The following GRB10 variants were observed in gnomAD, a reference collection of about 807,000 sequenced individuals.
GRB10 encodes growth factor receptor bound protein 10, also known as growth factor receptor-bound protein 10.
Under a neutral mutation model 80.9 loss-of-function variants are expected in GRB10, and 20 were observed. The ratio of observed to expected loss-of-function variants is 0.25; its 90% CI spans 0.17 to 0.36. The LOEUF is 0.36. Ranked by LOEUF, GRB10 falls within the 10% of genes least tolerant of loss-of-function variation. The pLI is 1.00. For synonymous variants in GRB10, 291 were observed against 291.5 expected, an observed-to-expected ratio of 1.00 and a Z score of 0.02; for missense variants, 548 against 747.7, an observed-to-expected ratio of 0.73 and a Z score of 3.12.
chr7:50,612,853 AAG>A lies in GRB10; in HGVS notation c.1096-16_1096-15del, dbSNP rs1315750064. On this transcript the variant is annotated splice_polypyrimidine_tract_variant and intron_variant, in intron 12 of 18. Coordinates refer to ENST00000401949, the MANE Select transcript of GRB10 (RefSeq NM_001350814.2). ...GACTTTGTTTGGCTACAGGAGGTAA[AAG>A]AAAGTCCTGTTAGTGTTACACAGGG... 2 of 1,578,060 alleles carry A rather than the reference AAG, an allele frequency of 1.3e-6. No individual in the cohort carries two copies. The highest frequency in any genetic ancestry group is 2.7e-5 in the African/African-American group (2 of 74,206).
chr7:50,656,334 A>G (rs1586452541), intron 7 of GRB10, among the ~76,000 whole-genome samples: 1 of 152,178 alleles, frequency 6.6e-6, no homozygotes. Flanking sequence ...TCAGGGAGGC[A>G]GCGGCAGTGA....
chr7:50,788,711 G>A (rs1179019540), intron 1 of GRB10, among the ~76,000 whole-genome samples: 1 of 152,220 alleles, frequency 6.6e-6, no homozygotes, highest in Admixed American at 6.5e-5. Context: ...TCAGGGAGAA[G>A]CAGGACTGCC....
Position 50,759,204 on chromosome 7 carries a change from A to AG in GRB10, c.-216-3149_-216-3148insC, listed in dbSNP as rs2075455946. Among the ~76,000 whole-genome samples the AG allele has an allele frequency of 5.3e-5, 8 of 151,784 alleles. No homozygotes were observed. In the South Asian group the frequency reaches 1.7e-3, roughly 32 times the overall value. On this transcript the variant is annotated intron_variant, in intron 2 of 18. Transcript: ENST00000401949. ...TGAGACTCTGCCTCAAAAAAAAAAA[A>AG]AAAAAGAAAAGAAATGCCAAACTTC...
At chr7:50,733,816 C>T (rs962507) in intron 3 of GRB10, among the ~76,000 whole-genome samples, 13,515 of 152,200 alleles carry the variant, frequency 0.089, 1,989 homozygotes, top group African/African-American at 0.31. Context: ...TGAAGGTATT[C>T]TGTAGGTGTG....
Position 50,656,590 on chromosome 7 carries a change from G to C in GRB10, c.504+13132C>G, listed in dbSNP as rs141692570. ...CCAGAGGGCTTGCTAAGGTGTCTGC[G>C]GTATTCTGAAGACACAAATCCTGGA... is the stretch of plus-strand genomic sequence containing the variant. On this transcript the variant is annotated intron_variant, in intron 7 of 18. Coordinates refer to ENST00000401949, the MANE Select transcript of GRB10 (RefSeq NM_001350814.2). Among the ~76,000 whole-genome samples the C allele has an allele frequency of 2.6e-3, 399 of 152,288 alleles. 1 individual carries two copies. Among genetic ancestry groups the C allele is most frequent in the Middle Eastern group, 6.8e-3 (2 of 294 alleles).
intron 17 of GRB10, among the ~76,000 whole-genome samples, chr7:50,602,165 C>CT (rs2047722136): frequency 2.0e-5 from 3 of 152,276 alleles, no homozygotes; most frequent in Non-Finnish European, 4.4e-5. Context: ...CATTTACCTA[C>CT]TTTTTCCAGG....
intron 4 of GRB10, among the ~76,000 whole-genome samples, chr7:50,708,266 G>C (rs1187422840): frequency 6.6e-6 from 1 of 151,896 alleles, no homozygotes; most frequent in East Asian, 1.9e-4. Context: ...GAAATTCCAA[G>C]GTCAAAACAG....
At chr7:50,786,996 T>C (rs1042040236), upstream of GRB10, among the ~76,000 whole-genome samples, 7 of 152,210 alleles carry the variant, frequency 4.6e-5, no homozygotes, top group Admixed American at 3.9e-4. Context: ...GGAAGAATGG[T>C]AAGTACATTT....
intron 18 of GRB10, among the ~76,000 whole-genome samples, chr7:50,594,674 TCTC>T (rs913626483): frequency 2.1e-4 from 32 of 152,334 alleles, no homozygotes; most frequent in African/African-American, 7.7e-4. Context: ...TGTATTGTAT[TCTC>T]AACTAAACTG....
intron 3 of GRB10, among the ~76,000 whole-genome samples, chr7:50,741,995 A>G (rs189512421): frequency 2.0e-5 from 3 of 152,140 alleles, no homozygotes; most frequent in African/African-American, 4.8e-5. Flanking sequence ...AACATTACTG[A>G]AATTTTAATT....
chr7:50,782,241 CAGCGAGCCCG>C lies in GRB10; in HGVS notation c.-327+173_-327+182del, dbSNP rs2078361840. On this transcript the variant is annotated intron_variant, in intron 1 of 18. Transcript: ENST00000401949. The surrounding 1 kb of genome is among the most constrained non-coding windows in gnomAD (Gnocchi z 6.6). ...CAACGAAGCTCGGGATCTCGGACTG[CAGCGAGCCCG>C]CGGCAGGCGGGCAGGGGGCCGCGCG... Among the ~76,000 whole-genome samples the C allele has an allele frequency of 6.6e-6, 1 of 151,884 alleles. No homozygotes were observed. Among genetic ancestry groups the C allele is most frequent in the East Asian group, 1.9e-4 (1 of 5,190 alleles).
At chr7:50,645,670 C>T (rs2057066088) in intron 7 of GRB10, 10 of 976,658 alleles carry the variant, frequency 1.0e-5, no homozygotes, top group Middle Eastern at 5.2e-4. Flanking sequence ...CAAACGCCGT[C>T]GTATCAGACC....
intron 7 of GRB10, among the ~76,000 whole-genome samples, chr7:50,662,403 C>T (rs2059368763): frequency 6.6e-6 from 1 of 152,218 alleles, no homozygotes; most frequent in South Asian, 2.1e-4. Context: ...TGCTAAGCTC[C>T]TCCACTGCCT....
chr7:50,634,381 ATTCTCAAAGGAG>A (rs2054558561), intron 7 of GRB10, among the ~76,000 whole-genome samples: 1 of 152,246 alleles, frequency 6.6e-6, no homozygotes, highest in South Asian at 2.1e-4. Context: ...CTACAAAAAA[ATTCTCAAAGGAG>A]TTATAAAAAT....
intron 7 of GRB10, among the ~76,000 whole-genome samples, chr7:50,632,248 C>A (rs145471112): frequency 6.6e-6 from 1 of 152,250 alleles, no homozygotes; most frequent in African/African-American, 2.4e-5. Context: ...AAAGAGAACA[C>A]GCATAATAAT....
chr7:50,735,415 A>AT (rs890000590), intron 3 of GRB10, among the ~76,000 whole-genome samples: 55 of 151,578 alleles, frequency 3.6e-4, no homozygotes, highest in African/African-American at 8.9e-4. Flanking sequence ...TCCTAATGAT[A>AT]TTTTTTTTTG....
chr7:50,593,339 C>T (rs2046048344), intron 18 of GRB10, among the ~76,000 whole-genome samples: 2 of 152,162 alleles, frequency 1.3e-5, no homozygotes, highest in Admixed American at 1.3e-4. Flanking sequence ...CTGAGGACAG[C>T]TAGCTCCCCT....
At chr7:50,610,085 A>T (rs1485517354) in intron 13 of GRB10, among the ~76,000 whole-genome samples, 1 of 152,034 alleles carries the variant, frequency 6.6e-6, no homozygotes, top group Non-Finnish European at 1.5e-5. Flanking sequence ...CAGCCCTCAG[A>T]CCCTCTTATC....
In GRB10 at chr7:50,590,268, G is replaced by A. The variant is rs1241240012; in HGVS notation, c.*2684C>T. 1 of 152,198 alleles carries A rather than the reference G, an allele frequency of 6.6e-6. No individual in the cohort carries two copies. The highest frequency in any genetic ancestry group is 1.5e-5 in the Non-Finnish European group (1 of 68,066). 9.4% of individuals were successfully genotyped at this position (152,198 alleles called of 1,614,324 possible). On this transcript the variant is annotated 3_prime_UTR_variant, in exon 19 of 19. Coordinates refer to ENST00000401949, the MANE Select transcript of GRB10 (RefSeq NM_001350814.2). The stretch of plus-strand genomic sequence containing the variant: ...TCCCTGAAAACGTTTATACACGCCA[G>A]GCCAATTTACAGTCACTGCAGTTTG...
Sources: allele counts gnomAD v4.1 joint callset (sites outside exome capture counted in the v4.1 genomes callset), GRCh38; gene constraint gnomAD v4.1.1; non-coding constraint Gnocchi (gnomAD v3.1); transcripts MANE v1.5; gene names NCBI Gene and HGNC (gene_info 2026-07-23, HGNC 2026-07-21).